Variants in OTUD7A observed in about 807,000 individuals in gnomAD.
OTUD7A encodes the protein OTU deubiquitinase 7A, also known as OTU domain-containing protein 7A.
A neutral mutation model predicts 65.7 loss-of-function variants in OTUD7A; 12 were observed. The observed-to-expected ratio is 0.18, with a 90% CI of 0.12 to 0.30. The LOEUF is 0.30. Ranked by LOEUF, OTUD7A falls within the 10% of genes least tolerant of loss-of-function variation. OTUD7A has a pLI of 1.00. For synonymous variants in OTUD7A, 641 were observed against 586.3 expected (o/e 1.09, Z -1.35); for missense variants, 1,148 against 1,304.8 (o/e 0.88, Z 1.85).
chr15:31,770,491 TAAAG>T (rs1895205845), intron 1 of OTUD7A, among the ~76,000 whole-genome samples: 1 of 152,202 alleles, frequency 6.6e-6, no homozygotes, highest in Admixed American at 6.5e-5. Context: ...ACCAAGGACT[TAAAG>T]AAAGTATAAT....
At chr15:31,767,831 A>G (rs1465090490) in intron 1 of OTUD7A, 3 of 888,600 alleles carry the variant, frequency 3.4e-6, no homozygotes, top group African/African-American at 1.7e-5. Context: ...AAAGTTCTCT[A>G]TGCTGTTTTT....
intron 9 of OTUD7A, among the ~76,000 whole-genome samples, chr15:31,502,663 C>A (rs12913114): frequency 0.11 from 17,266 of 152,216 alleles, 2,646 homozygotes; most frequent in African/African-American, 0.35. Context: ...CTGTGAGTAG[C>A]ATGGTAGGAA....
chr15:31,816,847 T>C (rs1456859157), intron 1 of OTUD7A, among the ~76,000 whole-genome samples: 1 of 152,228 alleles, frequency 6.6e-6, no homozygotes, highest in East Asian at 1.9e-4. Context: ...TATGCACTCA[T>C]GCCTGCGTGT....
chr15:31,727,421 T>G (rs1232349463), intron 1 of OTUD7A, among the ~76,000 whole-genome samples: 1 of 151,320 alleles, frequency 6.6e-6, no homozygotes, highest in African/African-American at 2.4e-5. Context: ...CCACCCTCCT[T>G]TTTTTCCCCA....
chr15:31,870,127 G>A (rs1433156240), intron 1 of OTUD7A, among the ~76,000 whole-genome samples: 1 of 149,994 alleles, frequency 6.7e-6, no homozygotes, highest in Non-Finnish European at 1.5e-5. Flanking sequence ...CGGACCGAGG[G>A]GTCGGTCGCC....
intron 1 of OTUD7A, among the ~76,000 whole-genome samples, chr15:31,680,318 CTAAT>C (rs1189139505): frequency 3.9e-5 from 6 of 152,148 alleles, no homozygotes; most frequent in Admixed American, 2.6e-4. Flanking sequence ...AGAGAACACT[CTAAT>C]TATGTGTACA....
At chr15:31,490,518 G>A (rs2041304558) in intron 10 of OTUD7A, among the ~76,000 whole-genome samples, 3 of 152,190 alleles carry the variant, frequency 2.0e-5, no homozygotes, top group Admixed American at 2.0e-4. Flanking sequence ...GACAGCTGAA[G>A]TCACAGGGAA....
intron 1 of OTUD7A, among the ~76,000 whole-genome samples, chr15:31,736,158 C>A (rs1001301044): frequency 6.6e-6 from 1 of 152,116 alleles, no homozygotes; most frequent in Non-Finnish European, 1.5e-5. Context: ...AACAAACCCC[C>A]ACAACACAAG....
chr15:31,765,649 C>G, intron 1 of OTUD7A: 1 of 656,192 alleles, frequency 1.5e-6, no homozygotes, highest in South Asian at 2.1e-5. Context: ...TTAGAAATAC[C>G]TTATTAATGA....
chr15:31,864,209 C>T (rs929827976), intron 1 of OTUD7A, among the ~76,000 whole-genome samples: 6 of 152,214 alleles, frequency 3.9e-5, no homozygotes, highest in African/African-American at 1.4e-4. Context: ...CCCACATTTT[C>T]CTGTCTTATT....
chr15:31,592,899 AAAAAAATATATATATATATAT>A (rs1370343761), intron 3 of OTUD7A, among the ~76,000 whole-genome samples: 1 of 52,956 alleles, frequency 1.9e-5, no homozygotes, highest in Non-Finnish European at 3.1e-5. Context: ...AAAAAAAAAA[AAAAAAATATATATATATATAT>A]ATATATATAT....
chr15:31,619,417 T>C (rs1025704363), intron 3 of OTUD7A, among the ~76,000 whole-genome samples: 2 of 152,248 alleles, frequency 1.3e-5, no homozygotes, highest in African/African-American at 4.8e-5. Flanking sequence ...CATGGAATGT[T>C]CTTCCATTTG....
At chr15:31,815,518 C>CT (rs769918212) in intron 1 of OTUD7A, among the ~76,000 whole-genome samples, 2 of 152,252 alleles carry the variant, frequency 1.3e-5, no homozygotes, top group Non-Finnish European at 2.9e-5. Flanking sequence ...TAATTTGTGT[C>CT]TGAGTTCATT....
chr15:31,642,017 A>G (rs1171385792), intron 3 of OTUD7A, among the ~76,000 whole-genome samples: 1 of 152,228 alleles, frequency 6.6e-6, no homozygotes, highest in Non-Finnish European at 1.5e-5. Context: ...GCTTTCTTTC[A>G]TCACTAGGTG....
intron 8 of OTUD7A, among the ~76,000 whole-genome samples, chr15:31,523,885 T>C (rs922267255): frequency 6.6e-6 from 1 of 152,232 alleles, no homozygotes; most frequent in East Asian, 1.9e-4. Flanking sequence ...AGGTGAGCTC[T>C]GGAGCACCCT....
intron 1 of OTUD7A, among the ~76,000 whole-genome samples, chr15:31,685,764 G>A (rs1255855086): frequency 5.9e-5 from 9 of 152,210 alleles, no homozygotes; most frequent in East Asian, 1.9e-4. Context: ...GGCAACAGAC[G>A]ACTTTGCCTG....
At chr15:31,867,622 G>T (rs933102029) in intron 1 of OTUD7A, among the ~76,000 whole-genome samples, 1 of 152,202 alleles carries the variant, frequency 6.6e-6, no homozygotes, top group Non-Finnish European at 1.5e-5. Context: ...CCACGGGGTT[G>T]CCCTGGCTGG....
chr15:31,509,631 T>C (rs1305264578), intron 8 of OTUD7A, among the ~76,000 whole-genome samples: 1 of 152,124 alleles, frequency 6.6e-6, no homozygotes, highest in African/African-American at 2.4e-5. Flanking sequence ...AGGTAAAAAT[T>C]CATATTTTTA....
At chr15:31,787,900 A>C (rs1895715470) in intron 1 of OTUD7A, among the ~76,000 whole-genome samples, 1 of 152,228 alleles carries the variant, frequency 6.6e-6, no homozygotes, top group Admixed American at 6.5e-5. Flanking sequence ...GAAATCCTCC[A>C]GTAATGGTCC....
Sources: allele counts gnomAD v4.1 joint callset (sites outside exome capture counted in the v4.1 genomes callset), GRCh38; gene constraint gnomAD v4.1.1; transcripts MANE v1.5; gene names NCBI Gene and HGNC (gene_info 2026-07-23, HGNC 2026-07-21).